The following ACADL variants were observed in gnomAD, a reference collection of about 807,000 sequenced individuals.
The protein encoded by ACADL is long-chain specific acyl-CoA dehydrogenase, mitochondrial.
A neutral mutation model predicts 56.9 loss-of-function variants in ACADL; 60 were observed. That is an observed-to-expected ratio of 1.05 (90% CI 0.86 to 1.31). The LOEUF is 1.31. ACADL is among the 50% of genes most tolerant of loss of function. The pLI, the probability that ACADL is intolerant of heterozygous loss-of-function variation, is 0.00. For missense variants in ACADL, 484 were observed against 525.5 expected (o/e 0.92, Z 0.77); for synonymous variants, 158 against 179.7 (o/e 0.88, Z 0.97).
rs1390619893 is a variant in ACADL at position 210,203,360 on chromosome 2, C to T, written c.955G>A (p.Ala319Thr). 2 of 1,608,976 alleles carry T rather than the reference C, an allele frequency of 1.2e-6. No homozygotes were observed. Among genetic ancestry groups the T allele is most frequent in the South Asian group, 1.1e-5 (1 of 90,974 alleles). The change falls in exon 8 of 11, where the codon GCT becomes ACT. Residue 319 changes from alanine to threonine, a missense_variant. Ala to Thr is a moderately conservative substitution (Grantham distance 58). Transcript: ENST00000233710. ...AGGTGAGCAACTGTTTTGCCAAAAG[C>T]TTTTCTTTGTTTAACATAGTTCCTG... is the stretch of plus-strand genomic sequence containing the variant. ...ETRNYVKQRK[A>T]FGKTVAHLQT...
At chr2:210,189,746 C>T (rs1181619969) in intron 10 of ACADL, among the ~76,000 whole-genome samples, 2 of 151,996 alleles carry the variant, frequency 1.3e-5, no homozygotes, top group Middle Eastern at 3.4e-3. Context: ...TATCTTTTCT[C>T]ATCTCATTTT....
intron 7 of ACADL, 85 bp downstream of exon 7, chr2:210,204,496 C>A: frequency 9.9e-7 from 1 of 1,012,672 alleles, no homozygotes; most frequent in Non-Finnish European, 1.5e-6. Flanking sequence ...AATTTGAATG[C>A]ATAATATAGA....
chr2:210,189,290 AT>A (rs1230438597), intron 10 of ACADL, among the ~76,000 whole-genome samples: 1 of 152,204 alleles, frequency 6.6e-6, no homozygotes, highest in Non-Finnish European at 1.5e-5. Flanking sequence ...GAGATTACAA[AT>A]TCAAAATAAA....
chr2:210,218,198 T>G, intron 2 of ACADL, 96 bp from the exon 3 acceptor site: 1 of 1,239,520 alleles, frequency 8.1e-7, no homozygotes, highest in East Asian at 2.5e-5. Context: ...TAGAAATGCA[T>G]TCTTAATTTA....
At chr2:210,222,509 A>AAAC (rs1491239127) in intron 1 of ACADL, among the ~76,000 whole-genome samples, 6 of 92,928 alleles carry the variant, frequency 6.5e-5, no homozygotes, top group Admixed American at 2.8e-4. Flanking sequence ...ACAAACAAAC[A>AAAC]AAAAAAAAAA....
chr2:210,207,887 G>A (rs901490133), intron 5 of ACADL, among the ~76,000 whole-genome samples: 2 of 152,094 alleles, frequency 1.3e-5, no homozygotes, highest in Non-Finnish European at 1.5e-5. Flanking sequence ...TATCTTAAGT[G>A]CTTAGAATTC....
chr2:210,198,006 T>A (rs900589661), intron 8 of ACADL, among the ~76,000 whole-genome samples: 1 of 152,192 alleles, frequency 6.6e-6, no homozygotes, highest in African/African-American at 2.4e-5. Context: ...TGCATTATGC[T>A]TTCTGAAATC....
At chr2:210,203,239 C>T (rs1311014504) in intron 8 of ACADL, 92 bp downstream of exon 8, 2 of 843,948 alleles carry the variant, frequency 2.4e-6, no homozygotes, top group Admixed American at 2.0e-5. Context: ...TATCACCTTA[C>T]ATGAAAATAA....
At chr2:210,223,465 A>G (rs927436897) in intron 1 of ACADL, among the ~76,000 whole-genome samples, 2 of 152,190 alleles carry the variant, frequency 1.3e-5, no homozygotes, top group Non-Finnish European at 2.9e-5. Flanking sequence ...AGACCCACTG[A>G]ATCAGAAGCT....
At chr2:210,208,651 A>G (rs1462176434) in intron 5 of ACADL, among the ~76,000 whole-genome samples, 1 of 152,204 alleles carries the variant, frequency 6.6e-6, no homozygotes. Context: ...TAAGTACATA[A>G]TACAACTATC....
rs951949237 is a variant in ACADL, at chr2:210,205,759, A to G, written c.641T>C (p.Ile214Thr). The G allele has an allele frequency of 1.8e-5, 29 of 1,613,926 alleles. No individual in the cohort carries two copies. Among genetic ancestry groups the G allele is most frequent in the Admixed American group, 1.2e-4 (7 of 59,986 alleles). Residue 214 changes from isoleucine to threonine, a missense_variant, in exon 6 of 11, where the codon ATT becomes ACT. Transcript: ENST00000233710. ...ISNGSLSDVVIVVAVTNHEAP... is the reference protein window; with the variant it reads ...ISNGSLSDVVTVVAVTNHEAP... ...TTCATGATTTGTGACCGCAACTACAATCACAACATCACTTAATGACCCATT... is the reference window on the plus strand; with the variant it reads ...TTCATGATTTGTGACCGCAACTACAGTCACAACATCACTTAATGACCCATT...
At chr2:210,200,671 T>C (rs1451230431) in intron 8 of ACADL, among the ~76,000 whole-genome samples, 1 of 152,234 alleles carries the variant, frequency 6.6e-6, no homozygotes, top group Non-Finnish European at 1.5e-5. Flanking sequence ...GTTTTAGGTT[T>C]GTTATGTCAA....
intron 1 of ACADL, among the ~76,000 whole-genome samples, chr2:210,223,697 T>C (rs1689214692): frequency 6.6e-6 from 1 of 152,244 alleles, no homozygotes; most frequent in Non-Finnish European, 1.5e-5. Context: ...TCTTCTATTA[T>C]GCCAGACATT....
intron 4 of ACADL, among the ~76,000 whole-genome samples, chr2:210,210,630 C>T (rs1385917214): frequency 5.3e-5 from 8 of 152,074 alleles, no homozygotes; most frequent in Admixed American, 3.3e-4. Flanking sequence ...TTGGTTCCTT[C>T]CCCTGTCTCT....
At chr2:210,201,133 G>C (rs1444224844) in intron 8 of ACADL, among the ~76,000 whole-genome samples, 1 of 152,178 alleles carries the variant, frequency 6.6e-6, no homozygotes, top group African/African-American at 2.4e-5. Context: ...AGTTCACACT[G>C]TTTGCAGAGG....
At position 210,210,182 on chromosome 2, in the gene ACADL, C is replaced by T. The variant is rs762322719; in HGVS notation, c.603+14G>A. ...CTCTGAAAAGAAGGGCTATAGAAGT[C>T]CTTTTTTACACACCTTGCTTCCATT... On this transcript the variant is annotated intron_variant, in intron 5 of 10. Transcript: ENST00000233710. The T allele has an allele frequency of 6.3e-6, 10 of 1,599,916 alleles. No individual in the cohort carries two copies. The highest frequency in any genetic ancestry group is 8.6e-6 in the Non-Finnish European group (10 of 1,167,344).
Position 210,205,529 on chromosome 2 carries a change from A to G in ACADL, c.768+103T>C, listed in dbSNP as rs952084850. 32 of 1,154,464 alleles carry G rather than the reference A, an allele frequency of 2.8e-5. 1 individual carries two copies. Among genetic ancestry groups the G allele is most frequent in the Non-Finnish European group, 3.9e-5 (31 of 788,310 alleles). The allele number at this position is 1,154,464 out of a possible 1,614,324, so 71.5% of individuals were successfully genotyped here. A position where few individuals can be genotyped will look rare whatever the true frequency, so the allele number is the denominator to read the frequency against. On this transcript the variant is annotated intron_variant, in intron 6 of 10. Transcript: ENST00000233710. ...GAAAAGCATATTTTAGGAATTCAGC[A>G]TAGGAAATAAAATTGTGCCACATGT...
Position 210,210,235 on chromosome 2 carries a change from A to G in ACADL, c.564T>C (p.Ala188=). The G allele has an allele frequency of 6.2e-7, 1 of 1,612,808 alleles. No homozygotes were observed. Reference sequence around the variant, plus strand: ...GAATCCAGTCACTTCCATCCTTTTTAGCATTTGTTTTTATTCCCTGTAAGT... The same window carrying G: ...GAATCCAGTCACTTCCATCCTTTTTGGCATTTGTTTTTATTCCCTGTAAGT... ...GSDLQGIKTN[A]KKDGSDWILN... The change falls in exon 5 of 11, where the codon GCT becomes GCC. Residue 188 remains alanine, a synonymous_variant. Coordinates refer to ENST00000233710, the MANE Select transcript of ACADL (RefSeq NM_001608.4).
At position 210,225,149 on chromosome 2, in the gene ACADL, C is replaced by T. The variant is rs541031810; in HGVS notation, c.77+38G>A. ...GACTCGCTGCCCCACCCCACAGCCTCCCGGCCTGCAGCCGCGGAAGTCCCG... is the reference window on the plus strand; with the variant it reads ...GACTCGCTGCCCCACCCCACAGCCTTCCGGCCTGCAGCCGCGGAAGTCCCG... On this transcript the variant is annotated intron_variant, in intron 1 of 10. Coordinates refer to ENST00000233710, the MANE Select transcript of ACADL (RefSeq NM_001608.4). 174 of 1,528,026 alleles carry T rather than the reference C, an allele frequency of 1.1e-4. 1 individual carries two copies. In the African/African-American group the frequency reaches 2.3e-3, roughly 20 times the overall value. The allele number at this position is 1,528,026 out of a possible 1,614,324, so 94.7% of individuals were successfully genotyped here.
Sources: allele counts gnomAD v4.1 joint callset (sites outside exome capture counted in the v4.1 genomes callset), GRCh38; gene constraint gnomAD v4.1.1; transcripts MANE v1.5; gene names NCBI Gene and HGNC (gene_info 2026-07-23, HGNC 2026-07-21).